ANK3: variants seen among roughly 807,000 people sequenced by gnomAD.
ANK3 encodes ankyrin-3.
Under a neutral mutation model 370.9 loss-of-function variants are expected in ANK3, and 57 were observed. That is an observed-to-expected ratio of 0.15 (90% confidence interval 0.12 to 0.19). ANK3 has a LOEUF of 0.19. Ranked by LOEUF, ANK3 falls within the 10% of genes least tolerant of loss-of-function variation. ANK3 has a pLI of 1.00. For synonymous variants in ANK3, 1,929 were observed against 1,946.3 expected, an observed-to-expected ratio of 0.99 and a Z score of 0.23; for missense variants, 4,439 against 5,302.1, an observed-to-expected ratio of 0.84 and a Z score of 5.06.
intron 1 of ANK3, among the ~76,000 whole-genome samples, chr10:60,366,677 C>T (rs962765838): frequency 6.6e-6 from 1 of 152,054 alleles, no homozygotes; most frequent in Non-Finnish European, 1.5e-5. Flanking sequence ...GGGAGGAAAT[C>T]ACTCAGGATT....
intron 1 of ANK3, 92 bp downstream of exon 1, chr10:60,389,332 TA>T: frequency 8.1e-7 from 1 of 1,238,328 alleles, no homozygotes; most frequent in Non-Finnish European, 1.1e-6. Flanking sequence ...ACCCAGCATG[TA>T]AAAATAACCC....
At chr10:60,173,714 A>G (rs1434445511) in intron 18 of ANK3, among the ~76,000 whole-genome samples, 2 of 152,222 alleles carry the variant, frequency 1.3e-5, no homozygotes, top group Admixed American at 6.5e-5. Context: ...TCTGAGAAGT[A>G]TGAACTTGAA....
chr10:60,434,723 T>G (rs920586752), intron 2 of ANK3, among the ~76,000 whole-genome samples: 2 of 152,216 alleles, frequency 1.3e-5, no homozygotes, highest in Non-Finnish European at 2.9e-5. Context: ...TAGATCTTTT[T>G]ATTATTTAGT....
chr10:60,545,240 C>T (rs1373534457), intron 2 of ANK3, among the ~76,000 whole-genome samples: 1 of 151,762 alleles, frequency 6.6e-6, no homozygotes, highest in Non-Finnish European at 1.5e-5. Context: ...CCAAATCATA[C>T]AAGAAAGATA....
At chr10:60,698,688 T>C (rs1228703594) in intron 1 of ANK3, among the ~76,000 whole-genome samples, 3 of 126,034 alleles carry the variant, frequency 2.4e-5, no homozygotes, top group Admixed American at 9.2e-5. Flanking sequence ...CACTCATAGG[T>C]GGGAATTGAA....
chr10:60,192,648 C>T (rs1006755463), intron 16 of ANK3, among the ~76,000 whole-genome samples: 7 of 152,008 alleles, frequency 4.6e-5, no homozygotes, highest in Non-Finnish European at 1.0e-4. Flanking sequence ...AATGTGTGCA[C>T]ATGGACATAA....
At chr10:60,516,574 G>A (rs556121986) in intron 2 of ANK3, among the ~76,000 whole-genome samples, 1 of 152,126 alleles carries the variant, frequency 6.6e-6, no homozygotes, top group African/African-American at 2.4e-5. Flanking sequence ...CTGCTGTTTT[G>A]CCAAATATTT....
chr10:60,192,143 C>G (rs2096493706), intron 16 of ANK3, among the ~76,000 whole-genome samples: 1 of 152,078 alleles, frequency 6.6e-6, no homozygotes, highest in Non-Finnish European at 1.5e-5. Context: ...CCACCCGTCT[C>G]AGTCTTCCAA....
intron 2 of ANK3, among the ~76,000 whole-genome samples, chr10:60,522,133 A>G (rs1430444276): frequency 6.6e-6 from 1 of 152,072 alleles, no homozygotes; most frequent in Non-Finnish European, 1.5e-5. Flanking sequence ...CTAAAAATCA[A>G]TGCAATTCCT....
intron 2 of ANK3, among the ~76,000 whole-genome samples, chr10:60,448,310 G>A (rs2064505413): frequency 1.3e-5 from 2 of 152,112 alleles, no homozygotes; most frequent in Admixed American, 6.5e-5. Context: ...ACATCACTCT[G>A]GAGAAAAATA....
intron 2 of ANK3, among the ~76,000 whole-genome samples, chr10:60,541,773 T>C (rs2076854958): frequency 6.6e-6 from 1 of 151,966 alleles, no homozygotes; most frequent in South Asian, 2.1e-4. Flanking sequence ...ATGAGGATTG[T>C]CATAGCATCC....
chr10:60,149,747 C>T (rs1487019182), intron 23 of ANK3, among the ~76,000 whole-genome samples: 2 of 152,244 alleles, frequency 1.3e-5, no homozygotes, highest in African/African-American at 2.4e-5. Flanking sequence ...CTCGCTCTGT[C>T]GCCCAGGCTG....
At chr10:60,107,185 T>A (rs553543646) in intron 27 of ANK3, among the ~76,000 whole-genome samples, 29 of 152,308 alleles carry the variant, frequency 1.9e-4, no homozygotes, top group African/African-American at 7.0e-4. Context: ...TAAAAAATAA[T>A]TTTTATAATG....
chr10:60,698,883 C>G (rs2079506556), intron 1 of ANK3, among the ~76,000 whole-genome samples: 1 of 137,666 alleles, frequency 7.3e-6, no homozygotes, highest in Non-Finnish European at 1.6e-5. Flanking sequence ...GCACATGTAC[C>G]CTAAAACTTA....
intron 8 of ANK3, among the ~76,000 whole-genome samples, chr10:60,230,447 A>G (rs2097221621): frequency 6.6e-6 from 1 of 152,246 alleles, no homozygotes; most frequent in South Asian, 2.1e-4. Context: ...AGGTGTTTAT[A>G]TCTCAGCACA....
At chr10:60,266,027 T>C (rs2097872446) in intron 5 of ANK3, among the ~76,000 whole-genome samples, 1 of 152,172 alleles carries the variant, frequency 6.6e-6, no homozygotes, top group Non-Finnish European at 1.5e-5. Context: ...CTGGCTTAAA[T>C]GCCACCTGTT....
intron 10 of ANK3, 102 bp downstream of exon 10, chr10:60,207,934 G>A: frequency 9.9e-7 from 1 of 1,014,562 alleles, no homozygotes; most frequent in Non-Finnish European, 1.5e-6. Flanking sequence ...ACTTTAACTA[G>A]CACCTTCTAT....
Position 60,027,392 on chromosome 10 carries a change from G to C in ANK3, c.*2454C>G, listed in dbSNP as rs1383017362. On this transcript the variant is annotated 3_prime_UTR_variant, in exon 44 of 44. Coordinates refer to ENST00000280772, the MANE Select transcript of ANK3 (RefSeq NM_020987.5). ...GTAGTGGCACATTTTATTTATTTGG[G>C]ATACCATGCAGATGCAACCTAGCCC... is the stretch of plus-strand genomic sequence containing the variant. 6.7e-6 allele frequency: 1 copy of C among 149,752 alleles called. No homozygotes were observed. Among genetic ancestry groups the C allele is most frequent in the Admixed American group, 6.7e-5 (1 of 14,930 alleles). The allele number at this position is 149,752 out of a possible 1,614,324, so 9.3% of individuals were successfully genotyped here. A position where few individuals can be genotyped will look rare whatever the true frequency, so the allele number is the denominator to read the frequency against.
At chr10:60,241,240 T>C (rs2097452741) in intron 7 of ANK3, among the ~76,000 whole-genome samples, 1 of 152,200 alleles carries the variant, frequency 6.6e-6, no homozygotes, top group Non-Finnish European at 1.5e-5. Context: ...ATGCACTTTG[T>C]GAGAAGAAGC....
Sources: allele counts gnomAD v4.1 joint callset (sites outside exome capture counted in the v4.1 genomes callset), GRCh38; gene constraint gnomAD v4.1.1; transcripts MANE v1.5; gene names NCBI Gene and HGNC (gene_info 2026-07-23, HGNC 2026-07-21).